CAMKV: variants seen among roughly 807,000 people sequenced by gnomAD.
The protein encoded by CAMKV is CaM kinase like vesicle associated, also known as caM kinase-like vesicle-associated protein.
CAMKV carries 5 observed loss-of-function variants against 50.2 expected under a neutral mutation model. That is an observed-to-expected ratio of 0.10 (90% confidence interval 0.05 to 0.21). The LOEUF is 0.21. Ranked by LOEUF, CAMKV falls within the 10% of genes least tolerant of loss-of-function variation. The pLI is 1.00. For missense variants in CAMKV, 361 were observed against 650.5 expected, an observed-to-expected ratio of 0.55 and a Z score of 4.84; for synonymous variants, 229 against 250.1, an observed-to-expected ratio of 0.92 and a Z score of 0.80.
At position 49,861,143 on chromosome 3, in the gene CAMKV, C is replaced by T; in HGVS notation, c.562+37G>A. 1 of 1,585,078 alleles carries T rather than the reference C, an allele frequency of 6.3e-7. No individual in the cohort carries two copies. Among genetic ancestry groups the T allele is most frequent in the Non-Finnish European group, 8.6e-7 (1 of 1,165,342 alleles). On this transcript the variant is annotated intron_variant, in intron 6 of 10. Coordinates refer to ENST00000477224, the MANE Select transcript of CAMKV (RefSeq NM_024046.5). This position sits in a 1 kb window ranked among gnomAD's most constrained non-coding sequence, Gnocchi z 7.7. Reference sequence around the variant, plus strand: ...AGAGCAGCTCCCTGAAGGCTGCCCCCCATTATCCCCCTGCCCCTGCCCCAC... The same window carrying T: ...AGAGCAGCTCCCTGAAGGCTGCCCCTCATTATCCCCCTGCCCCTGCCCCAC...
chr3:49,867,384 A>T (rs781416420), intron 1 of CAMKV, among the ~76,000 whole-genome samples: 8 of 152,152 alleles, frequency 5.3e-5, no homozygotes, highest in Admixed American at 2.6e-4. Context: ...AGGTCTCTCC[A>T]GTTTTGGGGG....
rs4688691 is a variant in CAMKV at position 49,862,988 on chromosome 3, C to A, written c.-14-586G>T. 2.9e-3 allele frequency among the ~76,000 whole-genome samples: 447 copies of A among 152,314 alleles called. No homozygotes were observed. The highest frequency in any genetic ancestry group is 9.9e-3 in the African/African-American group (412 of 41,552). ...TGCTCATAGTAGCCATATACATAAT[C>A]GCCAAAAATTGAAAACAGACCAAAT... On this transcript the variant is annotated intron_variant, in intron 1 of 10. Coordinates refer to ENST00000477224, the MANE Select transcript of CAMKV (RefSeq NM_024046.5). The surrounding 1 kb of genome is among the most constrained non-coding windows in gnomAD (Gnocchi z 5.2).
rs999331920 is a variant in CAMKV, at chr3:49,862,022, C to T, written c.227+23G>A. The stretch of plus-strand genomic sequence containing the variant: ...CTTCCCTGCTGCCTCCCACCCCGCC[C>T]CAATCCCAGGCCTCAAACTCACATC... On this transcript the variant is annotated intron_variant, in intron 3 of 10. Coordinates refer to ENST00000477224, the MANE Select transcript of CAMKV (RefSeq NM_024046.5). This position sits in a 1 kb window ranked among gnomAD's most constrained non-coding sequence, Gnocchi z 5.2. 3.1e-6 allele frequency: 5 copies of T among 1,614,050 alleles called. No homozygotes were observed. Among genetic ancestry groups the T allele is most frequent in the Non-Finnish European group, 4.2e-6 (5 of 1,179,976 alleles).
Position 49,860,640 on chromosome 3 carries a change from C to T in CAMKV, c.775+76G>A, listed in dbSNP as rs2082012653. 5 of 1,611,294 alleles carry T rather than the reference C, an allele frequency of 3.1e-6. No individual in the cohort carries two copies. Among genetic ancestry groups the T allele is most frequent in the Non-Finnish European group, 4.2e-6 (5 of 1,177,812 alleles). ...GGGCTGGGGGACAGAAGCAGAATAC[C>T]ACAGAGGAAGATGAGAGCAGGACAC... is the stretch of plus-strand genomic sequence containing the variant. On this transcript the variant is annotated intron_variant, in intron 8 of 10. Coordinates refer to ENST00000477224, the MANE Select transcript of CAMKV (RefSeq NM_024046.5). The surrounding 1 kb of genome is among the most constrained non-coding windows in gnomAD (Gnocchi z 6.1).
In CAMKV at chr3:49,862,361, C is replaced by T. The variant is rs2108330269; in HGVS notation, c.28G>A (p.Asp10Asn). The T allele has an allele frequency of 6.2e-7, 1 of 1,614,192 alleles. No individual in the cohort carries two copies. Residue 10 changes from aspartate to asparagine, a missense_variant, in exon 2 of 11, where the codon GAC (aspartate) becomes AAC (asparagine). Coordinates refer to ENST00000477224, the MANE Select transcript of CAMKV (RefSeq NM_024046.5). This position sits in a 1 kb window ranked among gnomAD's most constrained non-coding sequence, Gnocchi z 5.2. MPFGCVTLGDKKNYNQPSEV... is the reference protein window; with the variant it reads MPFGCVTLGNKKNYNQPSEV... Reference sequence around the variant, plus strand: ...GATGGCTGGTTATAGTTCTTCTTGTCGCCCAGAGTCACACACCCAAACGGC... The same window carrying T: ...GATGGCTGGTTATAGTTCTTCTTGTTGCCCAGAGTCACACACCCAAACGGC...
Position 49,859,236 on chromosome 3 carries a change from G to T in CAMKV, c.*82C>A. The T allele has an allele frequency of 7.9e-7, 1 of 1,261,976 alleles. No individual in the cohort carries two copies. The highest frequency in any genetic ancestry group is 1.1e-6 in the Non-Finnish European group (1 of 919,642). The allele number at this position is 1,261,976 out of a possible 1,614,324, so 78.2% of individuals were successfully genotyped here. On this transcript the variant is annotated 3_prime_UTR_variant, in exon 11 of 11. Transcript: ENST00000477224. The surrounding 1 kb of genome is among the most constrained non-coding windows in gnomAD (Gnocchi z 5.5). ...GGGGGAGCGAGGGCATCATGCCAGT[G>T]ACTCTATGTACAGTGAGAAGCCCCT...
rs2082032834 is a variant in CAMKV at position 49,862,754 on chromosome 3, T to G, written c.-14-352A>C. Among the ~76,000 whole-genome samples, 1 of 152,266 alleles carries G rather than the reference T, an allele frequency of 6.6e-6. No homozygotes were observed. The highest frequency in any genetic ancestry group is 2.4e-5 in the African/African-American group (1 of 41,482). On this transcript the variant is annotated intron_variant, in intron 1 of 10. Coordinates refer to ENST00000477224, the MANE Select transcript of CAMKV (RefSeq NM_024046.5). This position sits in a 1 kb window ranked among gnomAD's most constrained non-coding sequence, Gnocchi z 5.2. ...AGGGGGCTATAACCACCCACCCACC[T>G]GCTAGTCATCTCTGAAGGTCTAGAG...
intron 1 of CAMKV, among the ~76,000 whole-genome samples, chr3:49,863,048 C>T (rs1448776983): frequency 6.6e-6 from 1 of 152,210 alleles, no homozygotes; most frequent in Non-Finnish European, 1.5e-5. Flanking sequence ...GGTAGAGTCA[C>T]ACAATGGAAT....
chr3:49,866,203 G>A (rs1169393616), intron 1 of CAMKV, among the ~76,000 whole-genome samples: 1 of 152,176 alleles, frequency 6.6e-6, no homozygotes, highest in Non-Finnish European at 1.5e-5. Flanking sequence ...CTTTCAATTA[G>A]CACCTTGGTT....
Position 49,859,430 on chromosome 3 carries a change from G to A in CAMKV, c.1394C>T (p.Ala465Val). 1 of 1,613,044 alleles carries A rather than the reference G, an allele frequency of 6.2e-7. No individual in the cohort carries two copies. Among genetic ancestry groups the A allele is most frequent in the East Asian group, 2.2e-5 (1 of 44,878 alleles). ...CTCTGGGGCTGTGCTGTCCGGCTGG[G>A]CCATAGCCGGCTCAGGGGTGGCAGC... ...KAAATPEPAM[A>V]QPDSTAPEGA... The change falls in exon 11 of 11, where the codon GCC becomes GTC. Residue 465 changes from alanine to valine, a missense_variant. Ala to Val is a moderately conservative substitution (Grantham distance 64, BLOSUM62 0). This residue lies in a region of CAMKV where 75 missense variants were observed against 84.2 expected (regional missense o/e 0.89). Transcript: ENST00000477224. This position sits in a 1 kb window ranked among gnomAD's most constrained non-coding sequence, Gnocchi z 5.5.
chr3:49,861,162 GC>G lies in CAMKV; in HGVS notation c.562+17del. 1.9e-6 allele frequency: 3 copies of G among 1,599,276 alleles called. No homozygotes were observed. The highest frequency in any genetic ancestry group is 8.5e-7 in the Non-Finnish European group (1 of 1,172,014). The stretch of plus-strand genomic sequence containing the variant: ...TGCCCCCCATTATCCCCCTGCCCCT[GC>G]CCCACCCCCTGCTTGCCCAGATACT... On this transcript the variant is annotated intron_variant, in intron 6 of 10. Transcript: ENST00000477224. This position sits in a 1 kb window ranked among gnomAD's most constrained non-coding sequence, Gnocchi z 7.7.
chr3:49,866,702 G>A (rs562964432), intron 1 of CAMKV, among the ~76,000 whole-genome samples: 2 of 152,348 alleles, frequency 1.3e-5, no homozygotes, highest in South Asian at 4.1e-4. Flanking sequence ...TGGACTCAGG[G>A]AATTGAGCCT....
Position 49,859,085 on chromosome 3 carries a change from A to G in CAMKV, c.*233T>C, listed in dbSNP as rs932696791. The G allele has an allele frequency of 4.6e-5, 21 of 452,762 alleles. No individual in the cohort carries two copies. Among genetic ancestry groups the G allele is most frequent in the Middle Eastern group, 5.6e-4 (1 of 1,788 alleles). The allele number at this position is 452,762 out of a possible 1,614,324, so 28.0% of individuals were successfully genotyped here. A position where few individuals can be genotyped will look rare whatever the true frequency, so the allele number is the denominator to read the frequency against. ...GCTAGCAAAAGACAGAAAAGCCACA[A>G]GGAATCCATGCAGGGGCTGGGGCCG... On this transcript the variant is annotated 3_prime_UTR_variant, in exon 11 of 11. Transcript: ENST00000477224. This position sits in a 1 kb window ranked among gnomAD's most constrained non-coding sequence, Gnocchi z 5.5.
chr3:49,860,821 C>G lies in CAMKV; in HGVS notation c.670G>C (p.Val224Leu). The change falls in exon 8 of 11, where the codon GTG becomes CTG. Residue 224 changes from valine (V) to leucine (L), a missense_variant. Around this residue, in one of 4 missense-constraint regions of CAMKV, gnomAD observed 172 missense variants for 414.3 expected, o/e 0.42. Coordinates refer to ENST00000477224, the MANE Select transcript of CAMKV (RefSeq NM_024046.5). This position sits in a 1 kb window ranked among gnomAD's most constrained non-coding sequence, Gnocchi z 6.1. ...TGGTTCTCATAATCATCTTCTTCCA[C>G]CTCCTCATAGAAAGGTGGATTGCCT... Reference protein sequence around the residue: ...LSGNPPFYEEVEEDDYENHDK... With the variant: ...LSGNPPFYEELEEDDYENHDK... The G allele has an allele frequency of 7.4e-6, 12 of 1,614,132 alleles. No individual in the cohort carries two copies. Among genetic ancestry groups the G allele is most frequent in the Non-Finnish European group, 7.6e-6 (9 of 1,180,030 alleles).
chr3:49,859,377 T>C lies in CAMKV; in HGVS notation c.1447A>G (p.Ser483Gly), dbSNP rs1011785677. The C allele has an allele frequency of 3.8e-6, 6 of 1,576,314 alleles. No homozygotes were observed. Among genetic ancestry groups the C allele is most frequent in the Middle Eastern group, 1.7e-4 (1 of 5,818 alleles). Residue 483 changes from serine to glycine, a missense_variant, in exon 11 of 11, where the codon AGT becomes GGT. Physicochemically the swap from Ser to Gly is moderately conservative, Grantham distance 56. This residue lies in a region of CAMKV where 75 missense variants were observed against 84.2 expected (regional missense o/e 0.89). Transcript: ENST00000477224. The surrounding 1 kb of genome is among the most constrained non-coding windows in gnomAD (Gnocchi z 5.5). ...TAACCAGCAGCCTCTTCCCCTTTAC[T>C]AGAGGGTGGAGCCTGGCCTGTGGCG... ...EGATGQAPPS[S>G]KGEEAAGYAQ...
Position 49,862,748 on chromosome 3 carries a change from C to T in CAMKV, c.-14-346G>A, listed in dbSNP as rs1295794905. Among the ~76,000 whole-genome samples, 2 of 152,232 alleles carry T rather than the reference C, an allele frequency of 1.3e-5. No individual in the cohort carries two copies. Among genetic ancestry groups the T allele is most frequent in the Non-Finnish European group, 2.9e-5 (2 of 68,044 alleles). ...AGATGAAGGGGGCTATAACCACCCA[C>T]CCACCTGCTAGTCATCTCTGAAGGT... is the stretch of plus-strand genomic sequence containing the variant. On this transcript the variant is annotated intron_variant, in intron 1 of 10. Coordinates refer to ENST00000477224, the MANE Select transcript of CAMKV (RefSeq NM_024046.5). The surrounding 1 kb of genome is among the most constrained non-coding windows in gnomAD (Gnocchi z 5.2).
rs868190746 is a variant in CAMKV at position 49,869,587 on chromosome 3, G to A, written c.-15+171C>T. On this transcript the variant is annotated intron_variant, in intron 1 of 10. Coordinates refer to ENST00000477224, the MANE Select transcript of CAMKV (RefSeq NM_024046.5). This position sits in a 1 kb window ranked among gnomAD's most constrained non-coding sequence, Gnocchi z 5.2. Reference sequence around the variant, plus strand: ...TAATGGGGAACTTTAGCCCGACCCCGCACTCCCTCCCCCAAATCTGCAAAG... The same window carrying A: ...TAATGGGGAACTTTAGCCCGACCCCACACTCCCTCCCCCAAATCTGCAAAG... 1.3e-5 allele frequency among the ~76,000 whole-genome samples: 2 copies of A among 151,536 alleles called. No homozygotes were observed. The highest frequency in any genetic ancestry group is 2.9e-5 in the Non-Finnish European group (2 of 67,906).
chr3:49,860,947 T>C lies in CAMKV; in HGVS notation c.634A>G (p.Ile212Val). Residue 212 changes from isoleucine to valine, a missense_variant, in exon 7 of 11, where the codon ATC (isoleucine) becomes GTC (valine). Transcript: ENST00000477224. This position sits in a 1 kb window ranked among gnomAD's most constrained non-coding sequence, Gnocchi z 6.1. ...DCWAIGVIMY[I>V]LLSGNPPFYE... Reference sequence around the variant, plus strand: ...CTTGTCCATCTGTCCACTCACAGGATGTACATGATGACTCCAATGGCCCAG... The same window carrying C: ...CTTGTCCATCTGTCCACTCACAGGACGTACATGATGACTCCAATGGCCCAG... The C allele has an allele frequency of 6.2e-7, 1 of 1,614,078 alleles. No homozygotes were observed. Among genetic ancestry groups the C allele is most frequent in the Non-Finnish European group, 8.5e-7 (1 of 1,180,018 alleles).
Position 49,859,573 on chromosome 3 carries a change from ACTCCCATCAGTGGCTGGAGTGATG to A in CAMKV, c.1227_1250del (p.Ile410_Ser417del). 1 of 1,612,828 alleles carries A rather than the reference ACTCCCATCAGTGGCTGGAGTGATG, an allele frequency of 6.2e-7. No individual in the cohort carries two copies. The highest frequency in any genetic ancestry group is 8.5e-7 in the Non-Finnish European group (1 of 1,179,714). On this transcript the variant is annotated inframe_deletion, in exon 11 of 11. Transcript: ENST00000477224. The surrounding 1 kb of genome is among the most constrained non-coding windows in gnomAD (Gnocchi z 5.5). ...CGCTCCTGTCAGTGGCTGGGGTGACACTCCCATCAGTGGCTGGAGTGATGCTTCCATCGGTGGCTGGGGTGACAC... is the reference window on the plus strand; with the variant it reads ...CGCTCCTGTCAGTGGCTGGGGTGACACTTCCATCGGTGGCTGGGGTGACAC...
Sources: gnomAD v4.1 joint callset for allele counts (sites outside exome capture counted in the v4.1 genomes callset) on GRCh38, gnomAD v4.1.1 for gene constraint, gnomAD v4.1.1 regional missense constraint, Gnocchi (gnomAD v3.1) non-coding constraint, MANE v1.5 for transcripts, NCBI Gene and HGNC (gene_info 2026-07-23, HGNC 2026-07-21) for gene names.